Variants in AFP observed in about 807,000 individuals in gnomAD.
AFP encodes alpha-fetoprotein.
In AFP, 64 loss-of-function variants were observed where a neutral mutation model predicts 78.9. The observed-to-expected ratio is 0.81, with a 90% CI of 0.66 to 1.00. The LOEUF is 1.00. Ranked by LOEUF, AFP falls within the 50% of genes least tolerant of loss-of-function variation. The pLI is 0.00. For synonymous variants in AFP, 254 were observed against 243.8 expected, an observed-to-expected ratio of 1.04 and a Z score of -0.39; for missense variants, 689 against 703.8, an observed-to-expected ratio of 0.98 and a Z score of 0.24.
chr4:73,446,166 T>C (rs1462249953), intron 7 of AFP, among the ~76,000 whole-genome samples: 1 of 152,086 alleles, frequency 6.6e-6, no homozygotes, highest in East Asian at 1.9e-4. Context: ...GGGGAAGAAG[T>C]GGGAGGAGGC....
At chr4:73,438,138 C>T (rs1210989826) in intron 2 of AFP, 36 bp from the exon 3 acceptor site, 5 of 1,612,224 alleles carry the variant, frequency 3.1e-6, no homozygotes, top group Non-Finnish European at 4.2e-6. Context: ...TGCTGCAGGT[C>T]TGTTCCTTAA....
rs1426464603 is a variant in AFP, at chr4:73,452,277, T to A, written c.1429-124T>A. 4 of 792,338 alleles carry A rather than the reference T, an allele frequency of 5.0e-6. No homozygotes were observed. The East Asian group carries it at 1.1e-4, about 21-fold the overall frequency. The allele number at this position is 792,338 out of a possible 1,614,324, so 49.1% of individuals were successfully genotyped here. A position where few individuals can be genotyped will look rare whatever the true frequency, so the allele number is the denominator to read the frequency against. On this transcript the variant is annotated intron_variant, in intron 11 of 14. Transcript: ENST00000395792. ...TCACATGATCCTACATAGCAAATTT[T>A]CCTGTAATATTAATTATAAATTGCT...
At position 73,436,301 on chromosome 4, in the gene AFP, A is replaced by T; in HGVS notation, c.39A>T (p.Leu13=). 6.2e-7 allele frequency: 1 copy of T among 1,604,792 alleles called. No individual in the cohort carries two copies. Among genetic ancestry groups the T allele is most frequent in the Non-Finnish European group, 8.5e-7 (1 of 1,173,082 alleles). The change falls in exon 1 of 15, where the codon CTA becomes CTT. Residue 13 remains leucine, a synonymous_variant. Coordinates refer to ENST00000395792, the MANE Select transcript of AFP (RefSeq NM_001134.3). ...AATCAATTTTTTTAATTTTCCTACTAAATTTTACTGAATCCAGAACACTGC... is the reference window on the plus strand; with the variant it reads ...AATCAATTTTTTTAATTTTCCTACTTAATTTTACTGAATCCAGAACACTGC... ...WVESIFLIFL[L]NFTESRTLHR...
At position 73,440,623 on chromosome 4, in the gene AFP, C is replaced by A. The variant is rs758780080; in HGVS notation, c.292C>A (p.Leu98Ile). 1.9e-6 allele frequency: 3 copies of A among 1,614,116 alleles called. No individual in the cohort carries two copies. The highest frequency in any genetic ancestry group is 2.2e-5 in the South Asian group (2 of 91,082). Residue 98 changes from leucine (L) to isoleucine (I), a missense_variant, in exon 4 of 15, where the codon CTT (leucine) becomes ATT (isoleucine). Physicochemically the swap from Leu to Ile is conservative, Grantham distance 5. Transcript: ENST00000395792. ...ENQLPAFLEE[L>I]CHEKEILEKY... ...ATAGCTACCTGCCTTTCTGGAAGAACTTTGCCATGAGAAAGAAATTTTGGA... is the reference window on the plus strand; with the variant it reads ...ATAGCTACCTGCCTTTCTGGAAGAAATTTGCCATGAGAAAGAAATTTTGGA...
At chr4:73,438,518 A>G (rs1423569556) in intron 3 of AFP, among the ~76,000 whole-genome samples, 1 of 152,106 alleles carries the variant, frequency 6.6e-6, no homozygotes, top group Non-Finnish European at 1.5e-5. Context: ...GATGACTGAG[A>G]GCTAAGGTTC....
In AFP at chr4:73,440,462, C is replaced by A. The variant is rs1010747107; in HGVS notation, c.271-140C>A. 28 of 714,994 alleles carry A rather than the reference C, an allele frequency of 3.9e-5. No homozygotes were observed. In the South Asian group the frequency reaches 5.1e-4, roughly 13 times the overall value. 44.3% of individuals were successfully genotyped at this position (714,994 alleles called of 1,614,324 possible). On this transcript the variant is annotated intron_variant, in intron 3 of 14. Transcript: ENST00000395792. ...AGAAATCTATTTCATCAGGCTGAAA[C>A]AAAATACATTAGAATTTGTATGGAA...
Position 73,449,464 on chromosome 4 carries a change from A to C in AFP, c.1188A>C (p.Lys396Asn), listed in dbSNP as rs1387492982. 6.2e-7 allele frequency: 1 copy of C among 1,613,516 alleles called. No homozygotes were observed. Among genetic ancestry groups the C allele is most frequent in the Non-Finnish European group, 8.5e-7 (1 of 1,179,620 alleles). ...AAAACCCTCTTGAATGCCAAGATAA[A>C]GGAGTAAGTTGCTCTAGAATTTTAG... ...QTENPLECQDKGEEELQKYIQ... is the reference protein window; with the variant it reads ...QTENPLECQDNGEEELQKYIQ... The change falls in exon 9 of 15, where the codon AAA (lysine) becomes AAC (asparagine). Residue 396 changes from lysine to asparagine, a missense_variant. Physicochemically the swap from Lys to Asn is moderately conservative, Grantham distance 94. Transcript: ENST00000395792.
At chr4:73,448,027 G>A (rs1719885444) in intron 8 of AFP, among the ~76,000 whole-genome samples, 1 of 151,906 alleles carries the variant, frequency 6.6e-6, no homozygotes, top group Non-Finnish European at 1.5e-5. Flanking sequence ...GGATATTTTT[G>A]TAATAAGAAG....
At chr4:73,436,720 G>A (rs952227389) in intron 1 of AFP, among the ~76,000 whole-genome samples, 15 of 151,704 alleles carry the variant, frequency 9.9e-5, no homozygotes, top group African/African-American at 3.6e-4. Flanking sequence ...CCTCAGACTA[G>A]TAAAATAGAT....
chr4:73,452,726 G>T, intron 12 of AFP, 102 bp downstream of exon 12: 1 of 932,760 alleles, frequency 1.1e-6, no homozygotes, highest in Non-Finnish European at 1.7e-6. Context: ...CACTAACAGA[G>T]CGTTACTCCC....
At chr4:73,444,871 AAAC>A (rs1302417368) in intron 6 of AFP, 119 bp from the exon 7 acceptor site, 28 of 900,506 alleles carry the variant, frequency 3.1e-5, no homozygotes, top group Admixed American at 8.4e-5. Flanking sequence ...TTTTCTTTTT[AAAC>A]AACAAGGGAA....
chr4:73,452,928 T>C (rs1353074315), intron 12 of AFP, among the ~76,000 whole-genome samples: 1 of 152,088 alleles, frequency 6.6e-6, no homozygotes, highest in Non-Finnish European at 1.5e-5. Flanking sequence ...GGAATTAGAG[T>C]GTATCTTTGC....
intron 4 of AFP, among the ~76,000 whole-genome samples, chr4:73,441,338 G>A (rs1719656561): frequency 6.6e-6 from 1 of 151,778 alleles, no homozygotes; most frequent in African/African-American, 2.4e-5. Flanking sequence ...AGGCCGAGGC[G>A]GGCGGATCAC....
chr4:73,443,367 A>G lies in AFP; in HGVS notation c.636A>G (p.Glu212=). The G allele has an allele frequency of 1.2e-6, 2 of 1,613,694 alleles. No homozygotes were observed. Among genetic ancestry groups the G allele is most frequent in the Non-Finnish European group, 1.7e-6 (2 of 1,179,616 alleles). The change falls in exon 6 of 15, where the codon GAA becomes GAG. Residue 212 remains glutamate, a synonymous_variant. Coordinates refer to ENST00000395792, the MANE Select transcript of AFP (RefSeq NM_001134.3). ...TCTAGGCAGCAACAGTTACAAAAGAATTAAGAGAAAGCAGCTTGTTAAATC... is the reference window on the plus strand; with the variant it reads ...TCTAGGCAGCAACAGTTACAAAAGAGTTAAGAGAAAGCAGCTTGTTAAATC... The part of the protein sequence containing the change: ...FQTKAATVTK[E]LRESSLLNQH...
intron 8 of AFP, among the ~76,000 whole-genome samples, chr4:73,448,808 G>A (rs1378813993): frequency 3.9e-5 from 6 of 152,106 alleles, no homozygotes; most frequent in Non-Finnish European, 8.8e-5. Context: ...GATATCAGCT[G>A]CCTAGAGAGA....
chr4:73,452,708 A>G, intron 12 of AFP, 84 bp downstream of exon 12: 1 of 1,097,080 alleles, frequency 9.1e-7, no homozygotes. Context: ...ACCTAACACT[A>G]TTGGGCTCAC....
chr4:73,454,490 GTGA>G (rs1435489219), intron 13 of AFP, among the ~76,000 whole-genome samples: 2 of 152,028 alleles, frequency 1.3e-5, no homozygotes, highest in Non-Finnish European at 2.9e-5. Context: ...TATGTTTAGG[GTGA>G]ACATGTGATG....
At chr4:73,451,306 T>C (rs1291986921) in intron 11 of AFP, among the ~76,000 whole-genome samples, 2 of 152,210 alleles carry the variant, frequency 1.3e-5, no homozygotes, top group African/African-American at 4.8e-5. Flanking sequence ...GAGTCAGTAA[T>C]GCCAATATTC....
At chr4:73,452,333 G>A (rs1290262814) in intron 11 of AFP, 68 bp from the exon 12 acceptor site, 1 of 1,345,952 alleles carries the variant, frequency 7.4e-7, no homozygotes, top group Non-Finnish European at 1.1e-6. Context: ...GCAGTTTTCT[G>A]AAAAACTGAA....
Sources: allele counts gnomAD v4.1 joint callset (sites outside exome capture counted in the v4.1 genomes callset), GRCh38; gene constraint gnomAD v4.1.1; transcripts MANE v1.5; gene names NCBI Gene and HGNC (gene_info 2026-07-23, HGNC 2026-07-21).